The following ARHGAP29 variants were observed in gnomAD, a reference collection of about 807,000 sequenced individuals.
ARHGAP29 encodes the protein Rho GTPase activating protein 29.
A neutral mutation model predicts 122.6 loss-of-function variants in ARHGAP29; 43 were observed. The observed-to-expected ratio is 0.35, with a 90% CI of 0.27 to 0.45. The LOEUF (loss-of-function observed/expected upper bound fraction) is 0.45, where lower values mean the gene tolerates loss of function less well. Among genes scored for constraint, ARHGAP29 ranks in the 20% least tolerant of loss-of-function variants. The pLI is 1.00. For synonymous variants in ARHGAP29, 506 were observed against 497.1 expected (o/e 1.02, Z -0.24); for missense variants, 1,303 against 1,477.2 (o/e 0.88, Z 1.93).
chr1:94,219,018 G>A (rs947713447), intron 3 of ARHGAP29, among the ~76,000 whole-genome samples: 1 of 151,898 alleles, frequency 6.6e-6, no homozygotes, highest in Non-Finnish European at 1.5e-5. Flanking sequence ...ACTCAGGACC[G>A]GCAATCCCTT....
At chr1:94,239,555 GACA>G (rs1261859885), upstream of ARHGAP29, among the ~76,000 whole-genome samples, 9 of 151,350 alleles carry the variant, frequency 5.9e-5, no homozygotes, top group South Asian at 1.7e-3. Flanking sequence ...AGGAAAGAGA[GACA>G]ACAATAAAGG....
chr1:94,173,850 A>C lies in ARHGAP29; in HGVS notation c.*19T>G, dbSNP rs750684448. 4 of 1,568,504 alleles carry C rather than the reference A, an allele frequency of 2.6e-6. No individual in the cohort carries two copies. Among genetic ancestry groups the C allele is most frequent in the African/African-American group, 1.4e-5 (1 of 73,188 alleles). On this transcript the variant is annotated 3_prime_UTR_variant, in exon 23 of 23. Transcript: ENST00000260526. Reference sequence around the variant, plus strand: ...AAAATAACACAACAACAACAAAAAAACCCTGAAATTTGACATCCCTACACA... The same window carrying C: ...AAAATAACACAACAACAACAAAAAACCCCTGAAATTTGACATCCCTACACA...
upstream of ARHGAP29, among the ~76,000 whole-genome samples, chr1:94,275,346 A>G (rs999103331): frequency 3.3e-5 from 5 of 152,230 alleles, no homozygotes; most frequent in South Asian, 1.0e-3. Flanking sequence ...GATGTTTACC[A>G]TGACTTTTAC....
intron 11 of ARHGAP29, 55 bp from the exon 12 acceptor site, chr1:94,201,912 T>G: frequency 7.0e-7 from 1 of 1,424,802 alleles, no homozygotes; most frequent in Non-Finnish European, 9.4e-7. Context: ...TTTAAACAAA[T>G]ATTTACTATA....
intron 12 of ARHGAP29, chr1:94,192,976 C>T (rs1038725253): frequency 1.8e-4 from 28 of 151,994 alleles, no homozygotes; most frequent in African/African-American, 6.5e-4. Flanking sequence ...AGACACCAAC[C>T]CTGATACAGC....
rs540368426 is a variant in ARHGAP29 at position 94,182,175 on chromosome 1, A to G, written c.2247+1976T>C. On this transcript the variant is annotated intron_variant, in intron 19 of 22. Transcript: ENST00000260526. ...GAAAGCTGCAAAAAGAACAAAAACT[A>G]CAATTCTGGGGAATTGAAACATGAT... 7.9e-5 allele frequency among the ~76,000 whole-genome samples: 12 copies of G among 152,222 alleles called. No individual in the cohort carries two copies. In the East Asian group the frequency reaches 2.3e-3, roughly 29 times the overall value.
upstream of ARHGAP29, among the ~76,000 whole-genome samples, chr1:94,239,683 G>A (rs2100673444): frequency 2.9e-5 from 1 of 34,700 alleles, no homozygotes; most frequent in South Asian, 8.6e-4. Context: ...AGAGGTGATA[G>A]AGACTACCCA....
chr1:94,255,203 A>G (rs1654289166), intron 1 of ARHGAP29, among the ~76,000 whole-genome samples: 1 of 152,170 alleles, frequency 6.6e-6, no homozygotes, highest in South Asian at 2.1e-4. Flanking sequence ...AGCCAATGAC[A>G]AGTGTCTTTA....
At chr1:94,257,083 C>A (rs771387513) in intron 1 of ARHGAP29, among the ~76,000 whole-genome samples, 9 of 152,064 alleles carry the variant, frequency 5.9e-5, no homozygotes, top group Non-Finnish European at 1.3e-4. Flanking sequence ...TCAAACCAAT[C>A]CTTTTATGAT....
At chr1:94,221,831 G>GT (rs1322784496) in intron 2 of ARHGAP29, among the ~76,000 whole-genome samples, 2 of 151,726 alleles carry the variant, frequency 1.3e-5, no homozygotes, top group African/African-American at 4.8e-5. Flanking sequence ...AGCACACCTA[G>GT]TATCTAGATC....
the ARHGAP29 span, chr1:94,302,753 G>C: frequency 5.9e-6 from 2 of 340,456 alleles, no homozygotes; most frequent in Non-Finnish European, 1.2e-5. Context: ...TCATGGACCT[G>C]ACCTGCTCTC....
rs762386076 is a variant in ARHGAP29, at chr1:94,220,274, G to A, written c.324C>T (p.Leu108=). The part of the protein sequence containing the change: ...SVDLQNAAEM[L]TAKVKAVNFT... ...CTTCCTTACCTTTCACTTTTGCAGT[G>A]AGCATTTCTGCAGCATTTTGAAGAT... Residue 108 remains leucine (L), a synonymous_variant, in exon 3 of 23, where the codon CTC becomes CTT. Transcript: ENST00000260526. 1.9e-6 allele frequency: 3 copies of A among 1,613,028 alleles called. No individual in the cohort carries two copies. The highest frequency in any genetic ancestry group is 1.7e-5 in the Admixed American group (1 of 59,862).
chr1:94,244,039 C>T (rs1653700758), intron 1 of ARHGAP29, among the ~76,000 whole-genome samples: 1 of 151,780 alleles, frequency 6.6e-6, no homozygotes, highest in African/African-American at 2.4e-5. Flanking sequence ...TTTAAAATTT[C>T]CCACAAAGAA....
At chr1:94,220,470 C>A (rs1315350110) in intron 2 of ARHGAP29, 78 bp from the exon 3 acceptor site, 3 of 1,290,842 alleles carry the variant, frequency 2.3e-6, no homozygotes, top group African/African-American at 3.0e-5. Context: ...ATCTGAAGCA[C>A]ATTTCAAGTA....
intron 8 of ARHGAP29, 89 bp from the exon 9 acceptor site, chr1:94,203,299 T>A: frequency 1.1e-6 from 1 of 893,974 alleles, no homozygotes; most frequent in Non-Finnish European, 1.6e-6. Context: ...AAAGGGAAAC[T>A]AAGTTTAGAC....
At chr1:94,272,691 G>T (rs918610236) in intron 1 of ARHGAP29, among the ~76,000 whole-genome samples, 3 of 152,184 alleles carry the variant, frequency 2.0e-5, no homozygotes, top group South Asian at 2.1e-4. Context: ...GCAGTCTGAG[G>T]TTCCTTCTTC....
rs190034452 is a variant in ARHGAP29 at position 94,202,073 on chromosome 1, A to G, written c.1144-216T>C. 1.0e-3 allele frequency: 462 copies of G among 463,600 alleles called. 3 individuals are homozygous for G. In the East Asian group the frequency reaches 0.016, roughly 16 times the overall value. 28.7% of individuals were successfully genotyped at this position (463,600 alleles called of 1,614,324 possible). A position where few individuals can be genotyped will look rare whatever the true frequency, so the allele number is the denominator to read the frequency against. On this transcript the variant is annotated intron_variant, in intron 11 of 22. Coordinates refer to ENST00000260526, the MANE Select transcript of ARHGAP29 (RefSeq NM_004815.4). ...TTATAATTAGTACACTGTCTATAAAATATTTGCTTCTATTTGAAATAGCAT... is the reference window on the plus strand; with the variant it reads ...TTATAATTAGTACACTGTCTATAAAGTATTTGCTTCTATTTGAAATAGCAT...
At chr1:94,236,578 C>A (rs1431617305) in intron 1 of ARHGAP29, among the ~76,000 whole-genome samples, 2 of 152,154 alleles carry the variant, frequency 1.3e-5, no homozygotes, top group African/African-American at 4.8e-5. Flanking sequence ...GGGGCCAATA[C>A]CCTCTGAGAA....
intron 2 of ARHGAP29, among the ~76,000 whole-genome samples, chr1:94,222,256 G>A (rs1261432118): frequency 6.6e-6 from 1 of 152,150 alleles, no homozygotes; most frequent in African/African-American, 2.4e-5. Flanking sequence ...CTCTCAAGAA[G>A]GTGAAACATA....
Sources: allele counts gnomAD v4.1 joint callset (sites outside exome capture counted in the v4.1 genomes callset), GRCh38; gene constraint gnomAD v4.1.1; transcripts MANE v1.5; gene names NCBI Gene and HGNC (gene_info 2026-07-23, HGNC 2026-07-21).